Variants in POLQ observed in about 807,000 individuals in gnomAD.
The protein encoded by POLQ is DNA polymerase theta, also known as epididymis secretory sperm binding protein.
POLQ carries 233 observed loss-of-function variants against 259.2 expected under a neutral mutation model. The ratio of observed to expected loss-of-function variants is 0.90; its 90% CI spans 0.81 to 1.00. The LOEUF is 1.00. Among genes scored for constraint, POLQ ranks in the 50% least tolerant of loss-of-function variants. The pLI, the probability that POLQ is intolerant of heterozygous loss-of-function variation, is 0.00. For synonymous variants in POLQ, 1,025 were observed against 1,048.8 expected, an observed-to-expected ratio of 0.98 and a Z score of 0.44; for missense variants, 2,871 against 3,051.6, an observed-to-expected ratio of 0.94 and a Z score of 1.39.
chr3:121,444,268 C>G (rs2047615861), intron 26 of POLQ, among the ~76,000 whole-genome samples: 1 of 152,026 alleles, frequency 6.6e-6, no homozygotes, highest in South Asian at 2.1e-4. Context: ...TCTTCAATTT[C>G]TAGTATCAGT....
At chr3:121,451,577 T>A (rs948366025) in intron 25 of POLQ, among the ~76,000 whole-genome samples, 1 of 152,220 alleles carries the variant, frequency 6.6e-6, no homozygotes, top group South Asian at 2.1e-4. Flanking sequence ...TGCCTCGGTA[T>A]GAGCAGCGGA....
At chr3:121,514,089 G>A (rs2048276809) in intron 9 of POLQ, among the ~76,000 whole-genome samples, 1 of 147,822 alleles carries the variant, frequency 6.8e-6, no homozygotes, top group Non-Finnish European at 1.5e-5. Flanking sequence ...AGCACTGTGG[G>A]AGGCCAAGGT....
At chr3:121,481,898 C>T (rs2047974652) in intron 18 of POLQ, 86 bp from the exon 19 acceptor site, 3 of 1,213,834 alleles carry the variant, frequency 2.5e-6, no homozygotes, top group Non-Finnish European at 3.5e-6. Context: ...AAAAACAAAG[C>T]TCATTTCTAA....
At chr3:121,462,504 G>C (rs2047800338) in intron 24 of POLQ, among the ~76,000 whole-genome samples, 2 of 152,298 alleles carry the variant, frequency 1.3e-5, no homozygotes, top group South Asian at 4.1e-4. Flanking sequence ...AAAGAGTTGT[G>C]CATAAAAGGA....
At chr3:121,505,846 TAAAAA>T (rs35298276) in intron 12 of POLQ, among the ~76,000 whole-genome samples, 5 of 126,220 alleles carry the variant, frequency 4.0e-5, no homozygotes, top group African/African-American at 9.1e-5. Flanking sequence ...CCATCTCTAC[TAAAAA>T]AAAAAAAAAA....
rs2047655250 is a variant in POLQ at position 121,449,385 on chromosome 3, C to T, written c.7194G>A (p.Leu2398=). 1.9e-6 allele frequency: 3 copies of T among 1,606,792 alleles called. No homozygotes were observed. The East Asian group carries it at 6.7e-5, about 36-fold the overall frequency. ...GIIYGMGAKS[L]GEQMGIKEND... Reference sequence around the variant, plus strand: ...TTTCTTTAATGCCCATCTGCTCTCCCAAAGATTTAGCTCCCATTCCATAAA... The same window carrying T: ...TTTCTTTAATGCCCATCTGCTCTCCTAAAGATTTAGCTCCCATTCCATAAA... The change falls in exon 26 of 30, where the codon TTG becomes TTA. Residue 2398 remains leucine (L), a synonymous_variant. Transcript: ENST00000264233.
chr3:121,437,214 A>C (rs1045892041), intron 27 of POLQ, among the ~76,000 whole-genome samples: 1 of 152,170 alleles, frequency 6.6e-6, no homozygotes, highest in South Asian at 2.1e-4. Flanking sequence ...AAGAAAAACA[A>C]AATAAAACAA....
At chr3:121,482,884 A>ACTTAAC (rs1249083847) in intron 18 of POLQ, among the ~76,000 whole-genome samples, 2 of 152,222 alleles carry the variant, frequency 1.3e-5, no homozygotes, top group Non-Finnish European at 2.9e-5. Context: ...CTGAGTCATC[A>ACTTAAC]TTACGAAGAG....
Position 121,449,429 on chromosome 3 carries a change from G to A in POLQ, c.7153-3C>T, listed in dbSNP as rs1397485339. 7.0e-7 allele frequency: 1 copy of A among 1,422,880 alleles called. No homozygotes were observed. The highest frequency in any genetic ancestry group is 1.2e-5 in the South Asian group (1 of 86,934). The allele number at this position is 1,422,880 out of a possible 1,614,324, so 88.1% of individuals were successfully genotyped here. On this transcript the variant is annotated splice_region_variant and splice_polypyrimidine_tract_variant and intron_variant, in intron 25 of 29. Coordinates refer to ENST00000264233, the MANE Select transcript of POLQ (RefSeq NM_199420.4). ...CCATAAATGATCCCATAGCAAATCT[G>A]AAAGGGAGTCATCCAACAAATAAAG...
In POLQ at chr3:121,489,409, T is replaced by C. The variant is rs536802221; in HGVS notation, c.3522A>G (p.Gln1174=). The part of the protein sequence containing the change: ...EAEKINEVLI[Q]NGSKNQNVYM... ...AAACATTCTGGTTTTTTGAACCATT[T>C]TGTATCAGCACTTCATTTATTTTTT... is the stretch of plus-strand genomic sequence containing the variant. Residue 1174 remains glutamine (Q), a synonymous_variant, in exon 16 of 30, where the codon CAA becomes CAG. Transcript: ENST00000264233. The C allele has an allele frequency of 3.1e-6, 5 of 1,614,058 alleles. No homozygotes were observed. In the African/African-American group the frequency reaches 6.7e-5, roughly 22 times the overall value.
chr3:121,500,008 C>T lies in POLQ; in HGVS notation c.1960-1338G>A, dbSNP rs939835295. Among the ~76,000 whole-genome samples, 6 of 152,144 alleles carry T rather than the reference C, an allele frequency of 3.9e-5. No homozygotes were observed. The South Asian group carries it at 8.3e-4, about 21-fold the overall frequency. The stretch of plus-strand genomic sequence containing the variant: ...TAAAAGTACAATAACTGGCCAGGCA[C>T]AGTGGCTCATGCCTATAAAGCCAGC... On this transcript the variant is annotated intron_variant, in intron 12 of 29. Transcript: ENST00000264233.
rs1225425350 is a variant in POLQ, at chr3:121,535,027, G to C, written c.741-1818C>G. 2.6e-5 allele frequency among the ~76,000 whole-genome samples: 4 copies of C among 152,072 alleles called. 1 individual carries two copies. The highest frequency in any genetic ancestry group is 5.9e-5 in the Non-Finnish European group (4 of 68,022). On this transcript the variant is annotated intron_variant, in intron 5 of 29. Coordinates refer to ENST00000264233, the MANE Select transcript of POLQ (RefSeq NM_199420.4). ...ATGCACAGGTACTCTGCTGTTTTGA[G>C]GTAATTGTTCAATATATATCCATTA...
intron 12 of POLQ, among the ~76,000 whole-genome samples, chr3:121,501,596 A>AG (rs2048168755): frequency 8.1e-6 from 1 of 123,802 alleles, no homozygotes; most frequent in South Asian, 2.8e-4. Flanking sequence ...CGGGAGGCGG[A>AG]GCTTGCAGTG....
rs568488785 is a variant in POLQ at position 121,436,509 on chromosome 3, T to C, written c.7390-234A>G. On this transcript the variant is annotated intron_variant, in intron 27 of 29. Coordinates refer to ENST00000264233, the MANE Select transcript of POLQ (RefSeq NM_199420.4). ...CAGACAAAAATAAGGTCAGATTGCT[T>C]CAGCTTAGATATCTTGACTACTCAG... 5.3e-5 allele frequency among the ~76,000 whole-genome samples: 8 copies of C among 152,330 alleles called. 1 individual carries two copies. Among genetic ancestry groups the C allele is most frequent in the Non-Finnish European group, 4.4e-5 (3 of 68,030 alleles).
At chr3:121,502,094 A>G (rs1274847499) in intron 12 of POLQ, among the ~76,000 whole-genome samples, 1 of 152,198 alleles carries the variant, frequency 6.6e-6, no homozygotes, top group African/African-American at 2.4e-5. Flanking sequence ...GAAAGTCAAC[A>G]AAGGAAATTA....
intron 21 of POLQ, among the ~76,000 whole-genome samples, chr3:121,472,393 T>C (rs555037052): frequency 6.6e-6 from 1 of 152,158 alleles, no homozygotes; most frequent in Admixed American, 6.5e-5. Context: ...ACTACCTTTT[T>C]CAAAAAAATA....
chr3:121,501,091 G>A (rs550368925), intron 12 of POLQ, among the ~76,000 whole-genome samples: 4 of 152,034 alleles, frequency 2.6e-5, no homozygotes, highest in African/African-American at 9.6e-5. Context: ...AGCCTCCCAG[G>A]TAGCTGGGAC....
At chr3:121,500,417 C>A (rs2048158662) in intron 12 of POLQ, among the ~76,000 whole-genome samples, 1 of 152,082 alleles carries the variant, frequency 6.6e-6, no homozygotes, top group South Asian at 2.1e-4. Context: ...AAGGCGTGAG[C>A]CACCAAACCT....
At position 121,489,824 on chromosome 3, in the gene POLQ, C is replaced by G; in HGVS notation, c.3107G>C (p.Ser1036Thr). 1.9e-6 allele frequency: 3 copies of G among 1,612,176 alleles called. No individual in the cohort carries two copies. Among genetic ancestry groups the G allele is most frequent in the Non-Finnish European group, 2.5e-6 (3 of 1,179,624 alleles). ...ACGTTTCCAAGATCGAAAACTTCTGCTCATCTTTTCTGAATTGAAATTCAA... is the reference window on the plus strand; with the variant it reads ...ACGTTTCCAAGATCGAAAACTTCTGGTCATCTTTTCTGAATTGAAATTCAA... Reference protein sequence around the residue: ...APLNFNSEKMSRSFRSWKRRK... With the variant: ...APLNFNSEKMTRSFRSWKRRK... Residue 1036 changes from serine (S) to threonine (T), a missense_variant, in exon 16 of 30, where the codon AGC (serine) becomes ACC (threonine). Ser to Thr is a moderately conservative substitution (Grantham distance 58, BLOSUM62 1). Around this residue, in one of 3 missense-constraint regions of POLQ, gnomAD observed 2,080 missense variants for 2,126.0 expected, o/e 0.98. Transcript: ENST00000264233.
Sources: allele counts gnomAD v4.1 joint callset (sites outside exome capture counted in the v4.1 genomes callset), GRCh38; gene constraint gnomAD v4.1.1; regional missense constraint gnomAD v4.1.1; transcripts MANE v1.5; gene names NCBI Gene and HGNC (gene_info 2026-07-23, HGNC 2026-07-21).